The following DMD variants were observed in gnomAD, a reference collection of about 807,000 sequenced individuals.
DMD encodes mutant dystrophin.
Under a neutral mutation model 330.1 loss-of-function variants are expected in DMD, and 63 were observed. The observed-to-expected ratio is 0.19, with a 90% CI of 0.16 to 0.24. The LOEUF (loss-of-function observed/expected upper bound fraction) is 0.24. DMD is among the 10% of genes least tolerant of loss of function. The pLI is 1.00. For synonymous variants in DMD, 1,223 were observed against 959.8 expected, an observed-to-expected ratio of 1.27 and a Z score of -5.07; for missense variants, 3,344 against 2,684.1, an observed-to-expected ratio of 1.25 and a Z score of -5.43.
chrX:33,061,643 T>C (rs1406267823), intron 1 of DMD, among the ~76,000 whole-genome samples: 1 of 111,459 alleles, frequency 9.0e-6, no homozygotes, highest in African/African-American at 3.3e-5. Context: ...CAGAAATAAT[T>C]CCATGATGCG....
intron 4 of DMD, among the ~76,000 whole-genome samples, chrX:32,826,474 G>A (rs2078701120): frequency 9.0e-6 from 1 of 110,589 alleles, no homozygotes. Flanking sequence ...GAAAATGCAG[G>A]TATACAGACC....
At chrX:31,925,697 C>T (rs564873779) in intron 47 of DMD, among the ~76,000 whole-genome samples, 84 of 109,969 alleles carry the variant, frequency 7.6e-4, no homozygotes, top group Non-Finnish European at 1.1e-3. Context: ...CGTGGTGAAA[C>T]CCCGTCTCTA....
chrX:32,072,918 C>A (rs762951559), intron 44 of DMD, among the ~76,000 whole-genome samples: 1 of 111,564 alleles, frequency 9.0e-6, no homozygotes, highest in Non-Finnish European at 1.9e-5. Context: ...ACATAGCCTG[C>A]GATGCAGGCA....
chrX:32,369,881 G>C (rs2097867333), intron 34 of DMD, among the ~76,000 whole-genome samples: 1 of 110,595 alleles, frequency 9.0e-6, no homozygotes, highest in Non-Finnish European at 1.9e-5. Context: ...CCCTTTACTA[G>C]GACTCAATTA....
intron 43 of DMD, among the ~76,000 whole-genome samples, chrX:32,219,877 T>C (rs1373542570): frequency 8.9e-6 from 1 of 112,213 alleles, no homozygotes; most frequent in Non-Finnish European, 1.9e-5. Context: ...CTCATCATAT[T>C]GGTAATTGCC....
At chrX:32,509,809 C>T (rs1180075081) in intron 18 of DMD, among the ~76,000 whole-genome samples, 1 of 111,743 alleles carries the variant, frequency 8.9e-6, no homozygotes, top group African/African-American at 3.3e-5. Flanking sequence ...TCCCTGAGCT[C>T]GCACTTTGGA....
intron 41 of DMD, among the ~76,000 whole-genome samples, chrX:32,315,547 T>C (rs1303157092): frequency 1.8e-5 from 2 of 110,394 alleles, no homozygotes; most frequent in Non-Finnish European, 3.8e-5. Flanking sequence ...TCAGTGACAC[T>C]GGATAAAATA....
At chrX:32,286,087 T>C (rs759531774) in intron 43 of DMD, among the ~76,000 whole-genome samples, 1 of 110,875 alleles carries the variant, frequency 9.0e-6, no homozygotes, top group East Asian at 2.9e-4. Flanking sequence ...CCAGACACAT[T>C]GAACACCCAC....
intron 70 of DMD, chrX:31,178,422 T>C: frequency 2.1e-6 from 2 of 950,686 alleles, no homozygotes; most frequent in Non-Finnish European, 1.3e-6. Context: ...AGTGGCTGTA[T>C]TGTGTTGTGG....
chrX:32,126,966 A>G (rs979279411), intron 44 of DMD, among the ~76,000 whole-genome samples: 2 of 112,286 alleles, frequency 1.8e-5, no homozygotes, highest in Non-Finnish European at 3.8e-5. Context: ...ATGCTTGTAT[A>G]AGCTTAGTTT....
chrX:31,420,040 TTTTA>T (rs2063280054), intron 60 of DMD, among the ~76,000 whole-genome samples: 1 of 112,534 alleles, frequency 8.9e-6, no homozygotes, highest in East Asian at 2.8e-4. Flanking sequence ...CTTAACCCAG[TTTTA>T]TTTATCTTCT....
intron 4 of DMD, among the ~76,000 whole-genome samples, chrX:32,843,348 G>A (rs2080343132): frequency 8.9e-6 from 1 of 112,032 alleles, no homozygotes; most frequent in Admixed American, 9.5e-5. Flanking sequence ...CAATGACACT[G>A]ATATTTCCAA....
intron 11 of DMD, among the ~76,000 whole-genome samples, chrX:32,628,049 C>A (rs931317407): frequency 3.7e-5 from 4 of 109,182 alleles, no homozygotes; most frequent in Non-Finnish European, 7.6e-5. Context: ...GACAAACATT[C>A]CAATTATACT....
intron 34 of DMD, among the ~76,000 whole-genome samples, chrX:32,376,448 G>T (rs1384143301): frequency 9.0e-6 from 1 of 111,256 alleles, no homozygotes; most frequent in East Asian, 2.8e-4. Flanking sequence ...GTATTTTATG[G>T]TAGGCCTAAA....
At chrX:33,323,397 T>C (rs989903507) in intron 1 of DMD, among the ~76,000 whole-genome samples, 9 of 111,648 alleles carry the variant, frequency 8.1e-5, no homozygotes, top group Non-Finnish European at 1.5e-4. Context: ...GACAATTATT[T>C]CTACATTTGT....
chrX:33,267,632 A>T (rs1220546820), intron 1 of DMD, among the ~76,000 whole-genome samples: 1 of 112,019 alleles, frequency 8.9e-6, no homozygotes, highest in East Asian at 2.8e-4. Flanking sequence ...ACCACAGTAC[A>T]TCACACTATA....
At chrX:31,318,866 A>G (rs1343395647) in intron 62 of DMD, among the ~76,000 whole-genome samples, 2 of 112,094 alleles carry the variant, frequency 1.8e-5, no homozygotes, top group Non-Finnish European at 3.8e-5. Context: ...ATTCTTCCCA[A>G]TATTTAGCAA....
At chrX:32,149,552 A>G (rs760931002) in intron 44 of DMD, among the ~76,000 whole-genome samples, 2 of 111,571 alleles carry the variant, frequency 1.8e-5, no homozygotes, top group Non-Finnish European at 1.9e-5. Context: ...TATCCTAACT[A>G]TGGTATAAAT....
chrX:32,368,167 T>A (rs1233730747), intron 34 of DMD, among the ~76,000 whole-genome samples: 1 of 111,893 alleles, frequency 8.9e-6, no homozygotes, highest in African/African-American at 3.2e-5. Context: ...CCAATGTATA[T>A]CAGGTGCCTA....
Sources: gnomAD v4.1 joint callset for allele counts (sites outside exome capture counted in the v4.1 genomes callset) on GRCh38, gnomAD v4.1.1 for gene constraint, MANE v1.5 for transcripts, NCBI Gene and HGNC (gene_info 2026-07-23, HGNC 2026-07-21) for gene names.